CA13: variants seen among roughly 807,000 people sequenced by gnomAD.
CA13 encodes CA-XIII.
Under a neutral mutation model 31.5 loss-of-function variants are expected in CA13, and 21 were observed. That is an observed-to-expected ratio of 0.67 (90% CI 0.47 to 0.96). The LOEUF (loss-of-function observed/expected upper bound fraction) is 0.96, where lower values mean the gene tolerates loss of function less well. CA13 is among the 40% of genes least tolerant of loss of function. CA13 has a pLI of 0.00. For synonymous variants in CA13, 117 were observed against 111.4 expected (o/e 1.05, Z -0.32); for missense variants, 315 against 318.9 (o/e 0.99, Z 0.09).
chr8:85,249,046 C>T (rs1325109691), intron 1 of CA13, among the ~76,000 whole-genome samples: 2 of 152,182 alleles, frequency 1.3e-5, no homozygotes, highest in African/African-American at 2.4e-5. Context: ...TTCTGATGCT[C>T]AAGTGGCTTT....
chr8:85,281,403 A>T lies in CA13; in HGVS notation c.*54A>T. Reference sequence around the variant, plus strand: ...ATGGCTGTGGAGAGACAACAAAACAAAACAAAGCACAAAAGTCTCTGCCAA... The same window carrying T: ...ATGGCTGTGGAGAGACAACAAAACATAACAAAGCACAAAAGTCTCTGCCAA... On this transcript the variant is annotated 3_prime_UTR_variant, in exon 7 of 7. Coordinates refer to ENST00000321764, the MANE Select transcript of CA13 (RefSeq NM_198584.3). 6.3e-7 allele frequency: 1 copy of T among 1,584,760 alleles called. No homozygotes were observed. Among genetic ancestry groups the T allele is most frequent in the Non-Finnish European group, 8.6e-7 (1 of 1,160,386 alleles).
chr8:85,283,330 T>C lies in CA13; in HGVS notation c.*1981T>C, dbSNP rs1807734684. On this transcript the variant is annotated 3_prime_UTR_variant, in exon 7 of 7. Transcript: ENST00000321764. ...GATACTGTTGCATAAGATGAGCTCC[T>C]GAAGAGTGAAGCTAATTCTTTGGTC... 1 of 152,230 alleles carries C rather than the reference T, an allele frequency of 6.6e-6. No homozygotes were observed. Among genetic ancestry groups the C allele is most frequent in the Non-Finnish European group, 1.5e-5 (1 of 68,034 alleles). The allele number at this position is 152,230 out of a possible 1,614,324, so 9.4% of individuals were successfully genotyped here. A position where few individuals can be genotyped will look rare whatever the true frequency, so the allele number is the denominator to read the frequency against.
intron 1 of CA13, among the ~76,000 whole-genome samples, chr8:85,248,651 G>A (rs1813773034): frequency 6.6e-6 from 1 of 152,054 alleles, no homozygotes; most frequent in Non-Finnish European, 1.5e-5. Context: ...CTCTTTAAGA[G>A]GCAGGGTACT....
chr8:85,280,660 A>T (rs1253295731), intron 6 of CA13, among the ~76,000 whole-genome samples: 1 of 152,200 alleles, frequency 6.6e-6, no homozygotes, highest in African/African-American at 2.4e-5. Context: ...ATTAGTTTTA[A>T]TTTTTCCAAC....
intron 6 of CA13, 38 bp from the exon 7 acceptor site, chr8:85,281,192 A>G: frequency 1.3e-6 from 2 of 1,599,038 alleles, no homozygotes; most frequent in East Asian, 2.3e-5. Flanking sequence ...ATTGGTGGGA[A>G]TTTCTATGCT....
At chr8:85,271,902 C>CTA (rs1315641757) in intron 6 of CA13, among the ~76,000 whole-genome samples, 3 of 152,030 alleles carry the variant, frequency 2.0e-5, no homozygotes, top group Non-Finnish European at 4.4e-5. Flanking sequence ...AACCCCATCT[C>CTA]TACTAAAAAT....
intron 2 of CA13, among the ~76,000 whole-genome samples, chr8:85,254,003 G>A (rs1172822324): frequency 6.6e-6 from 1 of 152,122 alleles, no homozygotes; most frequent in East Asian, 1.9e-4. Context: ...ATAAGGCCGG[G>A]TGTGGTGGCT....
chr8:85,245,748 C>G lies in CA13; in HGVS notation c.-81C>G. The stretch of plus-strand genomic sequence containing the variant: ...CGCCCCGCGGTCCCGCCCTAGCAGG[C>G]TCCTTCCCGGGCCCCTCCCCGCTCC... On this transcript the variant is annotated 5_prime_UTR_variant, in exon 1 of 7. Transcript: ENST00000321764. 1 of 1,532,108 alleles carries G rather than the reference C, an allele frequency of 6.5e-7. No homozygotes were observed. The highest frequency in any genetic ancestry group is 9.0e-7 in the Non-Finnish European group (1 of 1,107,232). 94.9% of individuals were successfully genotyped at this position (1,532,108 alleles called of 1,614,324 possible).
intron 6 of CA13, among the ~76,000 whole-genome samples, chr8:85,279,877 T>A (rs771748084): frequency 4.6e-5 from 7 of 152,168 alleles, no homozygotes; most frequent in African/African-American, 7.2e-5. Context: ...CCAGAGATTC[T>A]CTTCAGCCTC....
chr8:85,268,648 T>A lies in CA13; in HGVS notation c.669+21T>A, dbSNP rs199915572. ...AACAGGTACATAATCTCTTCCAGGT[T>A]GATACTGATTCCCTCAGAGGAAACT... is the stretch of plus-strand genomic sequence containing the variant. On this transcript the variant is annotated intron_variant, in intron 6 of 6. Coordinates refer to ENST00000321764, the MANE Select transcript of CA13 (RefSeq NM_198584.3). 106 of 1,594,560 alleles carry A rather than the reference T, an allele frequency of 6.6e-5. No homozygotes were observed. Among genetic ancestry groups the A allele is most frequent in the Non-Finnish European group, 8.5e-5 (99 of 1,170,544 alleles).
At chr8:85,268,168 A>T (rs776676326) in intron 5 of CA13, among the ~76,000 whole-genome samples, 1 of 152,228 alleles carries the variant, frequency 6.6e-6, no homozygotes, top group Non-Finnish European at 1.5e-5. Context: ...AAATATACTT[A>T]TGCATAATTA....
In CA13 at chr8:85,282,818, T is replaced by G. The variant is rs1807727962; in HGVS notation, c.*1469T>G. ...TAACTTAATAATCACATTTAAGACT[T>G]GAACACATGCTACCCTTTTGTCATC... On this transcript the variant is annotated 3_prime_UTR_variant, in exon 7 of 7. Transcript: ENST00000321764. 2 of 152,216 alleles carry G rather than the reference T, an allele frequency of 1.3e-5. No homozygotes were observed. Among genetic ancestry groups the G allele is most frequent in the African/African-American group, 4.8e-5 (2 of 41,458 alleles). The allele number at this position is 152,216 out of a possible 1,614,324, so 9.4% of individuals were successfully genotyped here. A position where few individuals can be genotyped will look rare whatever the true frequency, so the allele number is the denominator to read the frequency against.
At chr8:85,246,384 G>T (rs1291314872) in intron 1 of CA13, 1 of 456,124 alleles carries the variant, frequency 2.2e-6, no homozygotes, top group Non-Finnish European at 4.4e-6. Context: ...AATACTGCAT[G>T]TTTCCTAATA....
rs1442080188 is a variant in CA13 at position 85,245,793 on chromosome 8, AG to A, written c.-35del. On this transcript the variant is annotated 5_prime_UTR_variant, in exon 1 of 7. Coordinates refer to ENST00000321764, the MANE Select transcript of CA13 (RefSeq NM_198584.3). ...CGCTCCCTCCTCTTTCTCGCTGCTC[AG>A]TCACATCTTTCTCTTCCTTCCACCC... The A allele has an allele frequency of 6.2e-7, 1 of 1,611,922 alleles. No individual in the cohort carries two copies. The highest frequency in any genetic ancestry group is 1.7e-5 in the Admixed American group (1 of 59,986).
chr8:85,262,556 G>A (rs1328005244), intron 3 of CA13, among the ~76,000 whole-genome samples: 1 of 152,200 alleles, frequency 6.6e-6, no homozygotes, highest in Non-Finnish European at 1.5e-5. Context: ...GAGAGGCTGG[G>A]AAGGGCCTGA....
At position 85,282,714 on chromosome 8, in the gene CA13, A is replaced by G. The variant is rs1426956723; in HGVS notation, c.*1365A>G. 6.6e-6 allele frequency: 1 copy of G among 151,860 alleles called. No individual in the cohort carries two copies. Among genetic ancestry groups the G allele is most frequent in the Non-Finnish European group, 1.5e-5 (1 of 67,990 alleles). The allele number at this position is 151,860 out of a possible 1,614,324, so 9.4% of individuals were successfully genotyped here. A position where few individuals can be genotyped will look rare whatever the true frequency, so the allele number is the denominator to read the frequency against. On this transcript the variant is annotated 3_prime_UTR_variant, in exon 7 of 7. Coordinates refer to ENST00000321764, the MANE Select transcript of CA13 (RefSeq NM_198584.3). ...TCTTAATTTTAACCTATTATCTTTT[A>G]TTTTTGTTTGTTTTTGGTGAAGGAT... is the stretch of plus-strand genomic sequence containing the variant.
At chr8:85,246,094 C>CT (rs1175867161) in intron 1 of CA13, among the ~76,000 whole-genome samples, 4 of 152,178 alleles carry the variant, frequency 2.6e-5, no homozygotes, top group Admixed American at 1.3e-4. Flanking sequence ...TGTGTTATCT[C>CT]TGTCAGGATT....
intron 6 of CA13, among the ~76,000 whole-genome samples, chr8:85,272,628 C>T (rs1807542174): frequency 6.6e-6 from 1 of 152,028 alleles, no homozygotes; most frequent in Non-Finnish European, 1.5e-5. Flanking sequence ...AAATATATTT[C>T]ACAGTTGATG....
At chr8:85,261,145 T>C (rs1807371152) in intron 3 of CA13, among the ~76,000 whole-genome samples, 1 of 152,122 alleles carries the variant, frequency 6.6e-6, no homozygotes, top group Non-Finnish European at 1.5e-5. Context: ...AGCAAACCAG[T>C]GAAGGAAAGG....
Sources: gnomAD v4.1 joint callset for allele counts (sites outside exome capture counted in the v4.1 genomes callset) on GRCh38, gnomAD v4.1.1 for gene constraint, MANE v1.5 for transcripts, NCBI Gene and HGNC (gene_info 2026-07-23, HGNC 2026-07-21) for gene names.